The following DENND10 variants were observed in gnomAD, a reference collection of about 807,000 sequenced individuals.
The protein encoded by DENND10 is DENN domain containing 10, also known as DENN domain-containing protein 10.
In DENND10, 24 loss-of-function variants were observed where a neutral mutation model predicts 43.6. The ratio of observed to expected loss-of-function variants is 0.55; its 90% confidence interval spans 0.40 to 0.77. The LOEUF (loss-of-function observed/expected upper bound fraction) is 0.77, where lower values mean the gene tolerates loss of function less well. DENND10 is among the 30% of genes least tolerant of loss of function. DENND10 has a pLI of 0.00. For synonymous variants in DENND10, 125 were observed against 157.6 expected (o/e 0.79, Z 1.55); for missense variants, 303 against 429.9 (o/e 0.70, Z 2.61).
intron 3 of DENND10, among the ~76,000 whole-genome samples, chr10:119,115,073 A>G (rs1490486076): frequency 6.6e-6 from 1 of 152,116 alleles, no homozygotes; most frequent in African/African-American, 2.4e-5. Context: ...CTTGGCCTCT[A>G]TTTTAGAAAG....
chr10:119,127,707 C>T (rs1042989851), intron 6 of DENND10, among the ~76,000 whole-genome samples: 4 of 151,946 alleles, frequency 2.6e-5, no homozygotes, highest in East Asian at 1.9e-4. Context: ...AGGCAGGCCT[C>T]GAACTCCTGA....
At chr10:119,120,559 G>A in intron 5 of DENND10, 107 bp downstream of exon 5, 1 of 724,104 alleles carries the variant, frequency 1.4e-6, no homozygotes, top group Non-Finnish European at 2.5e-6. Context: ...TAAATAGCAT[G>A]TGGTGAAATA....
chr10:119,104,324 C>CT, intron 1 of DENND10, 127 bp downstream of exon 1: 4 of 843,432 alleles, frequency 4.7e-6, no homozygotes, highest in Non-Finnish European at 7.0e-6. Context: ...CGGCCCCCTC[C>CT]CTGTTGGGCC....
At position 119,136,529 on chromosome 10, in the gene DENND10, C is replaced by T. The variant is rs771525073; in HGVS notation, c.956C>T (p.Ser319Leu). The T allele has an allele frequency of 1.1e-5, 18 of 1,591,700 alleles. No individual in the cohort carries two copies. The East Asian group carries it at 1.3e-4, about 12-fold the overall frequency. ...FTNLAPFSEV[S>L]ADGEKRVLNL... ...AACCTAGCACCGTTTTCAGAAGTTT[C>T]GGCTGATGGAGAAAAGAGAGTCCTT... Residue 319 changes from serine (S) to leucine (L), a missense_variant, in exon 9 of 9, where the codon TCG becomes TTG. Ser to Leu is a moderately radical substitution (Grantham distance 145). Coordinates refer to ENST00000361432, the MANE Select transcript of DENND10 (RefSeq NM_207009.4).
At chr10:119,123,132 G>A (rs1322900339) in intron 5 of DENND10, among the ~76,000 whole-genome samples, 5 of 152,184 alleles carry the variant, frequency 3.3e-5, no homozygotes, top group Non-Finnish European at 7.3e-5. Context: ...ACCGGGCCGT[G>A]GTGGCAGGCA....
In DENND10 at chr10:119,137,406, T is replaced by A. The variant is rs1846407696; in HGVS notation, c.*759T>A. 6.3e-6 allele frequency: 1 copy of A among 158,392 alleles called. No individual in the cohort carries two copies. Among genetic ancestry groups the A allele is most frequent in the African/African-American group, 2.8e-5 (1 of 36,102 alleles). 9.8% of individuals were successfully genotyped at this position (158,392 alleles called of 1,614,324 possible). A position where few individuals can be genotyped will look rare whatever the true frequency, so the allele number is the denominator to read the frequency against. ...GATAAACTAAGAAGCCCATTGAATA[T>A]AAAAGTGTGTAGGACTGAAACAGTG... On this transcript the variant is annotated 3_prime_UTR_variant, in exon 9 of 9. Transcript: ENST00000361432.
chr10:119,110,435 T>C (rs1450585799), intron 2 of DENND10, among the ~76,000 whole-genome samples: 1 of 152,104 alleles, frequency 6.6e-6, no homozygotes, highest in Non-Finnish European at 1.5e-5. Flanking sequence ...AAATTTATAA[T>C]ATAGAGGCAT....
chr10:119,105,516 C>A (rs1844650892), intron 1 of DENND10: 1 of 1,172,256 alleles, frequency 8.5e-7, no homozygotes, highest in Non-Finnish European at 1.1e-6. Flanking sequence ...GTATTTATTT[C>A]TAATGTGATT....
chr10:119,112,053 G>A (rs1355057795), intron 3 of DENND10, 125 bp downstream of exon 3: 1 of 697,412 alleles, frequency 1.4e-6, no homozygotes, highest in Non-Finnish European at 2.5e-6. Flanking sequence ...ATCTTTAGTA[G>A]CCCTTCACAG....
chr10:119,134,281 C>T (rs988692760), intron 8 of DENND10, among the ~76,000 whole-genome samples: 1 of 151,478 alleles, frequency 6.6e-6, no homozygotes, highest in Non-Finnish European at 1.5e-5. Flanking sequence ...TCAAGTGCTC[C>T]GCCTACCTCA....
At chr10:119,131,274 C>T (rs990917936) in intron 7 of DENND10, among the ~76,000 whole-genome samples, 2 of 152,196 alleles carry the variant, frequency 1.3e-5, no homozygotes, top group East Asian at 3.9e-4. Context: ...CTGGCTAACA[C>T]GGTGAAACCC....
chr10:119,121,689 G>A (rs1052592498), intron 5 of DENND10, among the ~76,000 whole-genome samples: 1 of 151,722 alleles, frequency 6.6e-6, no homozygotes, highest in Non-Finnish European at 1.5e-5. Context: ...TCTTGACCTC[G>A]TAATCTGCCC....
At position 119,132,617 on chromosome 10, in the gene DENND10, C is replaced by G. The variant is rs775175103; in HGVS notation, c.897+8C>G. 1 of 1,607,882 alleles carries G rather than the reference C, an allele frequency of 6.2e-7. No individual in the cohort carries two copies. The highest frequency in any genetic ancestry group is 1.7e-5 in the Admixed American group (1 of 60,014). On this transcript the variant is annotated splice_region_variant and intron_variant, in intron 8 of 8. Coordinates refer to ENST00000361432, the MANE Select transcript of DENND10 (RefSeq NM_207009.4). The surrounding 1 kb of genome is among the most constrained non-coding windows in gnomAD (Gnocchi z 4.2). ...GAGAGCCACGTTATACAGGTAACTC[C>G]CTCACCTTCTGACTTACTGAAAGTC...
chr10:119,117,222 C>T (rs1263879445), intron 3 of DENND10, among the ~76,000 whole-genome samples: 2 of 151,694 alleles, frequency 1.3e-5, no homozygotes, highest in African/African-American at 2.4e-5. Context: ...AATTACAAAA[C>T]TTAGCAGGGT....
chr10:119,121,491 C>T (rs1292114369), intron 5 of DENND10, among the ~76,000 whole-genome samples: 1 of 134,232 alleles, frequency 7.4e-6, no homozygotes, highest in East Asian at 2.2e-4. Flanking sequence ...CTCGCTTTGT[C>T]ACCAGGCTGG....
At chr10:119,109,923 C>T (rs1844897966) in intron 2 of DENND10, among the ~76,000 whole-genome samples, 1 of 151,966 alleles carries the variant, frequency 6.6e-6, no homozygotes, top group Admixed American at 6.6e-5. Flanking sequence ...AGTGATCCTC[C>T]CTCCTCAGCT....
At chr10:119,113,398 A>G (rs981475465) in intron 3 of DENND10, among the ~76,000 whole-genome samples, 2 of 151,258 alleles carry the variant, frequency 1.3e-5, no homozygotes, top group African/African-American at 4.9e-5. Flanking sequence ...TGGTCTTACT[A>G]TGTTGCCCAG....
intron 2 of DENND10, among the ~76,000 whole-genome samples, chr10:119,111,131 G>C (rs114903914): frequency 0.024 from 3,629 of 151,774 alleles, 137 homozygotes; most frequent in African/African-American, 0.084. Context: ...GCATGGTGGT[G>C]TGCCTATAAT....
chr10:119,128,556 C>T (rs1050848174), intron 6 of DENND10, among the ~76,000 whole-genome samples: 21 of 150,466 alleles, frequency 1.4e-4, no homozygotes, highest in Middle Eastern at 3.4e-3. Flanking sequence ...TGCGGTGAGC[C>T]GAGATCATGC....
Sources: allele counts gnomAD v4.1 joint callset (sites outside exome capture counted in the v4.1 genomes callset), GRCh38; gene constraint gnomAD v4.1.1; non-coding constraint Gnocchi (gnomAD v3.1); transcripts MANE v1.5; gene names NCBI Gene and HGNC (gene_info 2026-07-23, HGNC 2026-07-21).